Variants in DACH2 observed in about 807,000 individuals in gnomAD.
DACH2 encodes the protein dachshund homolog 2.
Under a neutral mutation model 35.8 loss-of-function variants are expected in DACH2, and 17 were observed. The observed-to-expected ratio is 0.48, with a 90% CI of 0.33 to 0.71. DACH2 has a LOEUF of 0.71. Ranked by LOEUF, DACH2 falls within the 30% of genes least tolerant of loss-of-function variation. The pLI, the probability that DACH2 is intolerant of heterozygous loss-of-function variation, is 0.02. For synonymous variants in DACH2, 195 were observed against 177.3 expected (o/e 1.10, Z -0.79); for missense variants, 469 against 472.7 (o/e 0.99, Z 0.07).
At chrX:86,187,332 T>A (rs1301390864) in intron 1 of DACH2, among the ~76,000 whole-genome samples, 1 of 111,513 alleles carries the variant, frequency 9.0e-6, no homozygotes, top group African/African-American at 3.3e-5. Context: ...TAACTTATTT[T>A]ATAATATAGA....
chrX:86,483,923 TGAC>T (rs1447777762), intron 2 of DACH2, among the ~76,000 whole-genome samples: 1 of 111,663 alleles, frequency 9.0e-6, no homozygotes, highest in African/African-American at 3.3e-5. Flanking sequence ...CTCTAGACTC[TGAC>T]ATTTTCACCA....
At chrX:86,456,267 A>G (rs2037473137) in intron 2 of DACH2, among the ~76,000 whole-genome samples, 1 of 112,464 alleles carries the variant, frequency 8.9e-6, no homozygotes, top group Non-Finnish European at 1.9e-5. Flanking sequence ...AGCTGCTTCT[A>G]ATCAGCCATC....
intron 1 of DACH2, among the ~76,000 whole-genome samples, chrX:86,164,513 C>A (rs1262281843): frequency 9.0e-6 from 1 of 111,186 alleles, no homozygotes; most frequent in Non-Finnish European, 1.9e-5. Flanking sequence ...TTGCCCGTTC[C>A]TATGTCCAGG....
chrX:86,525,415 G>A (rs1300282872), intron 3 of DACH2, among the ~76,000 whole-genome samples: 1 of 111,162 alleles, frequency 9.0e-6, no homozygotes, highest in African/African-American at 3.3e-5. Flanking sequence ...TACATGTGGG[G>A]CAGCTAGTAT....
At chrX:86,743,641 G>A (rs2041680465) in intron 7 of DACH2, among the ~76,000 whole-genome samples, 2 of 111,204 alleles carry the variant, frequency 1.8e-5, no homozygotes, top group Admixed American at 1.9e-4. Context: ...ACCTAGATGA[G>A]CATTTTAGTT....
intron 1 of DACH2, among the ~76,000 whole-genome samples, chrX:86,209,646 A>G (rs1217288803): frequency 9.0e-6 from 1 of 110,938 alleles, no homozygotes; most frequent in Admixed American, 9.6e-5. Context: ...AGGCTCCCCA[A>G]AAGTTTCAAC....
chrX:86,701,679 A>C (rs1224978890), intron 5 of DACH2, among the ~76,000 whole-genome samples: 1 of 112,102 alleles, frequency 8.9e-6, no homozygotes, highest in African/African-American at 3.2e-5. Context: ...GGAATACTAC[A>C]CAGCCATAAA....
At chrX:86,720,835 C>T (rs1214068522) in intron 6 of DACH2, among the ~76,000 whole-genome samples, 4 of 112,759 alleles carry the variant, frequency 3.5e-5, no homozygotes, top group Admixed American at 2.8e-4. Context: ...TGTGTCCCTG[C>T]AGCAAACTTC....
At chrX:86,542,023 C>T (rs2038890791) in intron 3 of DACH2, among the ~76,000 whole-genome samples, 1 of 111,632 alleles carries the variant, frequency 9.0e-6, no homozygotes, top group African/African-American at 3.3e-5. Flanking sequence ...AAATACCTTC[C>T]CCATTGTTTC....
At chrX:86,360,939 T>C (rs1253234547) in intron 1 of DACH2, among the ~76,000 whole-genome samples, 1 of 111,386 alleles carries the variant, frequency 9.0e-6, no homozygotes, top group Non-Finnish European at 1.9e-5. Context: ...TTATAGTATA[T>C]GCTTATATGC....
intron 3 of DACH2, among the ~76,000 whole-genome samples, chrX:86,523,276 C>A (rs1257455795): frequency 9.0e-6 from 1 of 111,080 alleles, no homozygotes; most frequent in South Asian, 3.8e-4. Flanking sequence ...AATTCAATCT[C>A]ATAATATAAG....
At chrX:86,345,640 A>T (rs73518177) in intron 1 of DACH2, among the ~76,000 whole-genome samples, 4,739 of 112,170 alleles carry the variant, frequency 0.042, 118 homozygotes, top group East Asian at 0.21. Flanking sequence ...ATTATTCAAT[A>T]AATTTATCAA....
intron 2 of DACH2, among the ~76,000 whole-genome samples, chrX:86,381,185 T>C (rs747223309): frequency 2.8e-4 from 31 of 110,422 alleles, no homozygotes; most frequent in Non-Finnish European, 4.8e-4. Flanking sequence ...GCTGTTCTGA[T>C]TTACTCTCCT....
chrX:86,318,859 A>C (rs1262721993), intron 1 of DACH2, among the ~76,000 whole-genome samples: 2 of 111,724 alleles, frequency 1.8e-5, no homozygotes, highest in African/African-American at 3.3e-5. Context: ...ATTTTAGATT[A>C]CCATTAGTTA....
intron 3 of DACH2, among the ~76,000 whole-genome samples, chrX:86,539,583 G>A (rs62593267): frequency 6.3e-5 from 7 of 110,959 alleles, no homozygotes; most frequent in Non-Finnish European, 1.1e-4. Flanking sequence ...GTGTGCATAG[G>A]ACTTTTGAGA....
At chrX:86,771,095 A>C (rs1219684854) in intron 7 of DACH2, among the ~76,000 whole-genome samples, 1 of 113,148 alleles carries the variant, frequency 8.8e-6, no homozygotes, top group Non-Finnish European at 1.9e-5. Context: ...GTTTGCTTAA[A>C]AGCGAGGCTT....
intron 1 of DACH2, among the ~76,000 whole-genome samples, chrX:86,288,915 G>C (rs747270327): frequency 1.1e-4 from 12 of 111,336 alleles, no homozygotes; most frequent in African/African-American, 3.9e-4. Context: ...GTGAGACAAA[G>C]TCTCATTTAC....
chrX:86,258,982 G>T (rs1298874299), intron 1 of DACH2, among the ~76,000 whole-genome samples: 4 of 111,464 alleles, frequency 3.6e-5, no homozygotes, highest in Admixed American at 2.9e-4. Context: ...GTAACCTTTT[G>T]GGATTCTTTC....
At chrX:86,445,234 T>G (rs1026559165) in intron 2 of DACH2, among the ~76,000 whole-genome samples, 1 of 108,035 alleles carries the variant, frequency 9.3e-6, no homozygotes, top group Non-Finnish European at 1.9e-5. Flanking sequence ...AAGAAATTTT[T>G]ATTCTCAGTA....
Sources: gnomAD v4.1 joint callset for allele counts (sites outside exome capture counted in the v4.1 genomes callset) on GRCh38, gnomAD v4.1.1 for gene constraint, MANE v1.5 for transcripts, NCBI Gene and HGNC (gene_info 2026-07-23, HGNC 2026-07-21) for gene names.